The following CAD variants were observed in gnomAD, a reference collection of about 807,000 sequenced individuals.
CAD encodes multifunctional protein CAD.
In CAD, 81 loss-of-function variants were observed where a neutral mutation model predicts 237.2. The ratio of observed to expected loss-of-function variants is 0.34; its 90% confidence interval spans 0.29 to 0.41. The LOEUF is 0.41. Among genes scored for constraint, CAD ranks in the 10% least tolerant of loss-of-function variants. The pLI, the probability that CAD is intolerant of heterozygous loss-of-function variation, is 1.00. For synonymous variants in CAD, 1,196 were observed against 1,162.8 expected (o/e 1.03, Z -0.58); for missense variants, 2,181 against 2,951.7 (o/e 0.74, Z 6.05).
Position 27,232,295 on chromosome 2 carries a change from T to TGGGA in CAD, c.2645+78_2645+81dup. 1 of 1,594,494 alleles carries TGGGA rather than the reference T, an allele frequency of 6.3e-7. No homozygotes were observed. Among genetic ancestry groups the TGGGA allele is most frequent in the South Asian group, 1.1e-5 (1 of 88,258 alleles). Reference sequence around the variant, plus strand: ...AACCTTTGTATCAGTGAGGGACCCTTGGGAGGGAGGAAGGAGAGTGTGGGA... The same window carrying TGGGA: ...AACCTTTGTATCAGTGAGGGACCCTTGGGAGGGAGGGAGGAAGGAGAGTGTGGGA... On this transcript the variant is annotated intron_variant, in intron 17 of 43. Coordinates refer to ENST00000264705, the MANE Select transcript of CAD (RefSeq NM_004341.5). The surrounding 1 kb of genome is among the most constrained non-coding windows in gnomAD (Gnocchi z 4.1).
chr2:27,217,780 C>G, intron 1 of CAD, 97 bp from the exon 2 acceptor site: 1 of 1,483,764 alleles, frequency 6.7e-7, no homozygotes, highest in South Asian at 1.3e-5. Flanking sequence ...CCATAAACCC[C>G]TCGCGACCAA....
rs544400100 is a variant in CAD at position 27,233,211 on chromosome 2, T to C, written c.2991+71T>C. On this transcript the variant is annotated intron_variant, in intron 19 of 43. Coordinates refer to ENST00000264705, the MANE Select transcript of CAD (RefSeq NM_004341.5). This position sits in a 1 kb window ranked among gnomAD's most constrained non-coding sequence, Gnocchi z 6.3. ...AGTAGAACAGCTGGCTGACCTAAGATTCTTTGAAACTTGGTGGCGGCTGAG... is the reference window on the plus strand; with the variant it reads ...AGTAGAACAGCTGGCTGACCTAAGACTCTTTGAAACTTGGTGGCGGCTGAG... 1 of 1,516,078 alleles carries C rather than the reference T, an allele frequency of 6.6e-7. No homozygotes were observed. Among genetic ancestry groups the C allele is most frequent in the African/African-American group, 1.4e-5 (1 of 73,042 alleles). The allele number at this position is 1,516,078 out of a possible 1,614,324, so 93.9% of individuals were successfully genotyped here.
rs1327875571 is a variant in CAD at position 27,240,354 on chromosome 2, T to C, written c.5586T>C (p.Gly1862=). ...PPRIHRASDP[G]LPAEEPKEKS... is the part of the protein sequence containing the mutation. ...GAATCCATCGAGCCTCCGACCCAGG[T>C]TTGCCAGGTAAGAGTGGGGTTCCTG... Residue 1862 remains glycine (G), a synonymous_variant, in exon 35 of 44, where the codon GGT becomes GGC. Coordinates refer to ENST00000264705, the MANE Select transcript of CAD (RefSeq NM_004341.5). This position sits in a 1 kb window ranked among gnomAD's most constrained non-coding sequence, Gnocchi z 4.6. The C allele has an allele frequency of 6.2e-7, 1 of 1,614,126 alleles. No individual in the cohort carries two copies. Among genetic ancestry groups the C allele is most frequent in the Non-Finnish European group, 8.5e-7 (1 of 1,179,990 alleles).
Position 27,233,120 on chromosome 2 carries a change from T to C in CAD, c.2971T>C (p.Phe991Leu). The C allele has an allele frequency of 1.9e-6, 3 of 1,613,038 alleles. No individual in the cohort carries two copies. The highest frequency in any genetic ancestry group is 2.5e-6 in the Non-Finnish European group (3 of 1,178,972). ...TDYDMCDRLY[F>L]DEISFEVVMD... ...CTATGACATGTGTGATCGACTCTAC[T>C]TTGATGAGATCTCTTTTGAGGTGAG... The change falls in exon 19 of 44, where the codon TTT becomes CTT. Residue 991 changes from phenylalanine to leucine, a missense_variant. Physicochemically the swap from Phe to Leu is conservative, Grantham distance 22 (BLOSUM62 0). Transcript: ENST00000264705. The surrounding 1 kb of genome is among the most constrained non-coding windows in gnomAD (Gnocchi z 6.3).
rs760174960 is a variant in CAD at position 27,239,425 on chromosome 2, T to C, written c.5348T>C (p.Val1783Ala). ...GAAGGGCAGAAAGTGAAGGGCACCG[T>C]CCGCCGTGTGGTCCTGCGAGGGGAG... ...PFEGQKVKGT[V>A]RRVVLRGEVA... The change falls in exon 33 of 44, where the codon GTC becomes GCC. Residue 1783 changes from valine (V) to alanine (A), a missense_variant. By Grantham distance (64) the Val-to-Ala change is moderately conservative (BLOSUM62 0). Around this residue, in one of 12 missense-constraint regions of CAD, gnomAD observed 478 missense variants for 515.0 expected, o/e 0.93. Transcript: ENST00000264705. This position sits in a 1 kb window ranked among gnomAD's most constrained non-coding sequence, Gnocchi z 4.0. The C allele has an allele frequency of 6.2e-7, 1 of 1,614,040 alleles. No homozygotes were observed.
At chr2:27,234,724 A>G (rs1675918237) in intron 23 of CAD, 39 bp downstream of exon 23, 2 of 1,580,010 alleles carry the variant, frequency 1.3e-6, no homozygotes, top group Non-Finnish European at 1.7e-6. Context: ...GCAGAAAAAT[A>G]GCGGGAGAGA....
rs1306707737 is a variant in CAD at position 27,225,367 on chromosome 2, C to T, written c.1620+124C>T. ...TGTTGCGCAGGCTGGAGTACAGTGG[C>T]GTGATCTCGGCTCATCATAACCTCC... On this transcript the variant is annotated intron_variant, in intron 11 of 43. Transcript: ENST00000264705. 4 of 580,474 alleles carry T rather than the reference C, an allele frequency of 6.9e-6. No homozygotes were observed. In the Admixed American group the frequency reaches 1.0e-4, roughly 15 times the overall value. 36.0% of individuals were successfully genotyped at this position (580,474 alleles called of 1,614,324 possible). A position where few individuals can be genotyped will look rare whatever the true frequency, so the allele number is the denominator to read the frequency against.
At chr2:27,220,633 T>C (rs1365910996) in intron 2 of CAD, among the ~76,000 whole-genome samples, 1 of 147,030 alleles carries the variant, frequency 6.8e-6, no homozygotes, top group Non-Finnish European at 1.5e-5. Context: ...CACTCCAGCC[T>C]GGATAACAGC....
At position 27,235,995 on chromosome 2, in the gene CAD, A is replaced by G. The variant is rs1229175337; in HGVS notation, c.4075-289A>G. The G allele has an allele frequency of 1.8e-5, 9 of 509,904 alleles. No individual in the cohort carries two copies. Among genetic ancestry groups the G allele is most frequent in the Admixed American group, 7.3e-5 (2 of 27,384 alleles). 31.6% of individuals were successfully genotyped at this position (509,904 alleles called of 1,614,324 possible). A position where few individuals can be genotyped will look rare whatever the true frequency, so the allele number is the denominator to read the frequency against. ...AGGAAGCAAAGAGAAAAGTCTCTTAAAATCTCTGTACCACTGTTCTGATAT... is the reference window on the plus strand; with the variant it reads ...AGGAAGCAAAGAGAAAAGTCTCTTAGAATCTCTGTACCACTGTTCTGATAT... On this transcript the variant is annotated intron_variant, in intron 25 of 43. Coordinates refer to ENST00000264705, the MANE Select transcript of CAD (RefSeq NM_004341.5). The surrounding 1 kb of genome is among the most constrained non-coding windows in gnomAD (Gnocchi z 5.2).
At chr2:27,227,423 T>A (rs1312784471) in intron 15 of CAD, 1 of 158,036 alleles carries the variant, frequency 6.3e-6, no homozygotes, top group Non-Finnish European at 1.4e-5. Context: ...TCTAACACAT[T>A]TCAACCAAAA....
In CAD at chr2:27,239,194, A is replaced by T; in HGVS notation, c.5215A>T (p.Ile1739Phe). Residue 1739 changes from isoleucine (I) to phenylalanine (F), a missense_variant, in exon 32 of 44, where the codon ATC becomes TTC. This residue lies in a region of CAD where 478 missense variants were observed against 515.0 expected (regional missense o/e 0.93). Transcript: ENST00000264705. This position sits in a 1 kb window ranked among gnomAD's most constrained non-coding sequence, Gnocchi z 4.0. Reference protein sequence around the residue: ...LQRLHHNPRRIFHLPPQEDTY... With the variant: ...LQRLHHNPRRFFHLPPQEDTY... ...GCGATTGCACCACAATCCTCGGCGC[A>T]TCTTTCACCTGCCCCCGCAGGAGGA... 1 of 1,610,214 alleles carries T rather than the reference A, an allele frequency of 6.2e-7. No individual in the cohort carries two copies.
rs769567624 is a variant in CAD, at chr2:27,226,130, G to A, written c.1843-1G>A. 2 of 1,613,878 alleles carry A rather than the reference G, an allele frequency of 1.2e-6. No individual in the cohort carries two copies. Among genetic ancestry groups the A allele is most frequent in the Non-Finnish European group, 1.7e-6 (2 of 1,179,800 alleles). ...GACCTCCATGGCACCCCCCTTCACA[G>A]GTGTGTAACATGGAGAACTTGGACC... On this transcript the variant is annotated splice_acceptor_variant, in intron 12 of 43. Coordinates refer to ENST00000264705, the MANE Select transcript of CAD (RefSeq NM_004341.5). LOFTEE classifies it high-confidence loss of function.
chr2:27,243,279 G>C lies in CAD; in HGVS notation c.6562G>C (p.Val2188Leu). 1 of 1,614,014 alleles carries C rather than the reference G, an allele frequency of 6.2e-7. No individual in the cohort carries two copies. The highest frequency in any genetic ancestry group is 8.5e-7 in the Non-Finnish European group (1 of 1,180,000). Reference sequence around the variant, plus strand: ...GGTGGTGATGCACCCGATGCCCCGTGTCAACGAGATAAGGTGGTGCAGCAT... The same window carrying C: ...GGTGGTGATGCACCCGATGCCCCGTCTCAACGAGATAAGGTGGTGCAGCAT... ...KMVVMHPMPR[V>L]NEISVEVDSD... The change falls in exon 43 of 44, where the codon GTC (valine) becomes CTC (leucine). Residue 2188 changes from valine (V) to leucine (L), a missense_variant. Physicochemically the swap from Val to Leu is conservative, Grantham distance 32 (BLOSUM62 1). This residue lies in a region of CAD where 170 missense variants were observed against 212.1 expected (regional missense o/e 0.80). Coordinates refer to ENST00000264705, the MANE Select transcript of CAD (RefSeq NM_004341.5).
rs1676445254 is a variant in CAD at position 27,243,645 on chromosome 2, T to C, written c.*127T>C. On this transcript the variant is annotated 3_prime_UTR_variant, in exon 44 of 44. Transcript: ENST00000264705. ...GATAGCTCACATGTGCTGACCACAC[T>C]TCAGGCTCTGGACTGGAGCTCTCTG... The C allele has an allele frequency of 4.0e-6, 3 of 757,062 alleles. No homozygotes were observed. The highest frequency in any genetic ancestry group is 3.6e-5 in the South Asian group (2 of 55,560). 46.9% of individuals were successfully genotyped at this position (757,062 alleles called of 1,614,324 possible).
In CAD at chr2:27,231,453, A is replaced by G. The variant is rs897355361; in HGVS notation, c.2288-15A>G. 6.7e-7 allele frequency: 1 copy of G among 1,489,310 alleles called. No homozygotes were observed. The highest frequency in any genetic ancestry group is 9.4e-7 in the Non-Finnish European group (1 of 1,066,220). The allele number at this position is 1,489,310 out of a possible 1,614,324, so 92.3% of individuals were successfully genotyped here. ...CCACCTCCACACCTTCATTCCTTCC[A>G]TTCTGTTCTTCCAGGTGAAGTCATG... On this transcript the variant is annotated splice_polypyrimidine_tract_variant and intron_variant, in intron 15 of 43. Transcript: ENST00000264705.
Position 27,237,773 on chromosome 2 carries a change from A to C in CAD, c.4619A>C (p.Glu1540Ala). The C allele has an allele frequency of 6.2e-7, 1 of 1,614,202 alleles. No individual in the cohort carries two copies. The highest frequency in any genetic ancestry group is 8.5e-7 in the Non-Finnish European group (1 of 1,180,030). ...DFALFLGASS[E>A]NAGTLGTVAG... is the part of the protein sequence containing the mutation. ...GCGCTATTCCTTGGGGCCTCGTCTG[A>C]AAATGCAGGAACCTTGGGCACCGTG... Residue 1540 changes from glutamate to alanine, a missense_variant, in exon 29 of 44, where the codon GAA (glutamate) becomes GCA (alanine). Coordinates refer to ENST00000264705, the MANE Select transcript of CAD (RefSeq NM_004341.5). The surrounding 1 kb of genome is among the most constrained non-coding windows in gnomAD (Gnocchi z 4.0).
intron 2 of CAD, among the ~76,000 whole-genome samples, chr2:27,219,671 C>T (rs1198044259): frequency 6.6e-6 from 1 of 152,046 alleles, no homozygotes; most frequent in Admixed American, 6.6e-5. Flanking sequence ...CTCACTGCAA[C>T]CTCCGCCTCC....
chr2:27,223,830 C>T (rs530363403), intron 7 of CAD, 82 bp downstream of exon 7: 43 of 1,555,426 alleles, frequency 2.8e-5, no homozygotes, highest in African/African-American at 2.0e-4. Flanking sequence ...GCAGTGGATC[C>T]GAGTCCCCTG....
intron 15 of CAD, among the ~76,000 whole-genome samples, chr2:27,229,986 C>G (rs548715711): frequency 1.3e-5 from 2 of 152,102 alleles, no homozygotes; most frequent in African/African-American, 4.8e-5. Context: ...GCCTGTAATC[C>G]CAGCACTTTG....
Sources: allele counts gnomAD v4.1 joint callset (sites outside exome capture counted in the v4.1 genomes callset), GRCh38; gene constraint gnomAD v4.1.1; regional missense constraint gnomAD v4.1.1; non-coding constraint Gnocchi (gnomAD v3.1); transcripts MANE v1.5; gene names NCBI Gene and HGNC (gene_info 2026-07-23, HGNC 2026-07-21).